The following DCDC1 variants were observed in gnomAD, a reference collection of about 807,000 sequenced individuals.
DCDC1 encodes the protein doublecortin domain-containing protein 1.
Under a neutral mutation model 178.3 loss-of-function variants are expected in DCDC1, and 200 were observed. The observed-to-expected ratio is 1.12, with a 90% CI of 1.00 to 1.26. The LOEUF is 1.26. Ranked by LOEUF, DCDC1 falls within the 50% of genes most tolerant of loss-of-function variation. The probability of loss-of-function intolerance (pLI) is 0.00; values close to 1 mark genes in which losing one functional copy is unlikely to be tolerated. For synonymous variants in DCDC1, 690 were observed against 604.8 expected (o/e 1.14, Z -2.07); for missense variants, 1,983 against 1,749.2 (o/e 1.13, Z -2.38).
intron 18 of DCDC1, among the ~76,000 whole-genome samples, 163 bp from the exon 19 acceptor site, chr11:31,065,316 G>A (rs1260807034): frequency 6.6e-6 from 1 of 152,078 alleles, no homozygotes; most frequent in Non-Finnish European, 1.5e-5. Flanking sequence ...CAAGCCAAAT[G>A]ACTTTAATAT....
chr11:31,223,972 C>T (rs1974598614), intron 9 of DCDC1, among the ~76,000 whole-genome samples: 1 of 151,902 alleles, frequency 6.6e-6, no homozygotes, highest in African/African-American at 2.4e-5. Context: ...GTCATTGAAT[C>T]ATGGGGGCCG....
intron 20 of DCDC1, among the ~76,000 whole-genome samples, chr11:31,061,855 T>C (rs960093351): frequency 1.3e-5 from 2 of 152,276 alleles, no homozygotes; most frequent in Middle Eastern, 3.4e-3. Context: ...CAACCTCAGA[T>C]AGGTCTTCTG....
chr11:30,873,261 A>G (rs907077874), intron 38 of DCDC1, among the ~76,000 whole-genome samples: 1 of 150,548 alleles, frequency 6.6e-6, no homozygotes, highest in African/African-American at 2.4e-5. Context: ...AAATGACTAC[A>G]CTAAACAAGA....
At chr11:31,187,560 T>C (rs939684230) in intron 9 of DCDC1, among the ~76,000 whole-genome samples, 3 of 152,140 alleles carry the variant, frequency 2.0e-5, no homozygotes, top group African/African-American at 7.2e-5. Flanking sequence ...AGGTTAAAAA[T>C]ATAGACTGAC....
chr11:31,305,933 G>A, intron 5 of DCDC1, 156 bp from the exon 6 acceptor site: 1 of 896,568 alleles, frequency 1.1e-6, no homozygotes, highest in Non-Finnish European at 1.6e-6. Context: ...GAAATAAAAG[G>A]TAAGTCACAG....
intron 20 of DCDC1, among the ~76,000 whole-genome samples, chr11:31,005,329 A>C (rs1951778493): frequency 6.6e-6 from 1 of 152,278 alleles, no homozygotes; most frequent in Middle Eastern, 3.4e-3. Flanking sequence ...ATCCCATTGC[A>C]GCCCAGATCT....
At chr11:31,078,009 G>A (rs1956964755) in intron 17 of DCDC1, 84 bp from the exon 18 acceptor site, 2 of 717,514 alleles carry the variant, frequency 2.8e-6, no homozygotes, top group African/African-American at 1.7e-5. Context: ...TCATTTTCCA[G>A]ATAGCCTGGC....
intron 20 of DCDC1, among the ~76,000 whole-genome samples, chr11:31,028,057 T>C (rs1953357261): frequency 6.6e-6 from 1 of 151,768 alleles, no homozygotes; most frequent in Non-Finnish European, 1.5e-5. Flanking sequence ...ATAATTAGTA[T>C]AAAAAAACAA....
chr11:31,043,836 G>A (rs1361638717), intron 20 of DCDC1, among the ~76,000 whole-genome samples: 2 of 102,430 alleles, frequency 2.0e-5, no homozygotes, highest in Admixed American at 9.5e-5. Context: ...TTTTTTTTTT[G>A]TACCTTATAA....
At chr11:31,193,439 T>G (rs1477908460) in intron 9 of DCDC1, among the ~76,000 whole-genome samples, 2 of 151,898 alleles carry the variant, frequency 1.3e-5, no homozygotes, top group Non-Finnish European at 2.9e-5. Flanking sequence ...ATATCTTGGG[T>G]TTTCAGATTA....
chr11:31,233,501 G>C (rs1410143816), intron 9 of DCDC1, among the ~76,000 whole-genome samples: 1 of 152,046 alleles, frequency 6.6e-6, no homozygotes, highest in Admixed American at 6.6e-5. Flanking sequence ...TTACTTTTTG[G>C]GGGTGGGGAG....
chr11:31,246,525 G>A (rs1284159972), intron 8 of DCDC1, among the ~76,000 whole-genome samples: 1 of 151,646 alleles, frequency 6.6e-6, no homozygotes, highest in Non-Finnish European at 1.5e-5. Flanking sequence ...AACAAGGTAA[G>A]TTTTTAAAAG....
intron 18 of DCDC1, among the ~76,000 whole-genome samples, chr11:31,066,355 C>T (rs927746169): frequency 6.6e-6 from 1 of 152,148 alleles, no homozygotes; most frequent in African/African-American, 2.4e-5. Context: ...GAAGCAGACA[C>T]AGGGAAGTTA....
At chr11:31,329,375 G>C (rs1949835085) in intron 2 of DCDC1, among the ~76,000 whole-genome samples, 1 of 146,172 alleles carries the variant, frequency 6.8e-6, no homozygotes, top group Non-Finnish European at 1.5e-5. Context: ...GCTTAAGCTA[G>C]TTGGAGTCGG....
intron 1 of DCDC1, among the ~76,000 whole-genome samples, chr11:31,359,376 T>C (rs948325626): frequency 3.9e-4 from 51 of 132,456 alleles, no homozygotes; most frequent in African/African-American, 2.3e-4. Flanking sequence ...TAGGTGGGAA[T>C]TGAACAATGA....
intron 35 of DCDC1, 100 bp downstream of exon 35, chr11:30,894,148 G>A (rs1327408371): frequency 1.4e-6 from 2 of 1,452,622 alleles, no homozygotes; most frequent in Non-Finnish European, 1.8e-6. Flanking sequence ...ATCAGATGCT[G>A]AGAATATATT....
chr11:30,895,046 A>G (rs1187846753), intron 34 of DCDC1, among the ~76,000 whole-genome samples: 1 of 152,210 alleles, frequency 6.6e-6, no homozygotes, highest in Non-Finnish European at 1.5e-5. Flanking sequence ...AAATAGTTAT[A>G]AAAGAGGTTT....
chr11:30,878,813 CT>C, intron 37 of DCDC1, 102 bp from the exon 38 acceptor site: 1 of 1,116,152 alleles, frequency 9.0e-7, no homozygotes, highest in Non-Finnish European at 1.2e-6. Context: ...CTCACAAATC[CT>C]TGGCTCCCAC....
At chr11:31,322,849 A>G (rs1191165094) in intron 3 of DCDC1, among the ~76,000 whole-genome samples, 1 of 152,210 alleles carries the variant, frequency 6.6e-6, no homozygotes, top group Non-Finnish European at 1.5e-5. Flanking sequence ...TTTCAGTTGA[A>G]TTTTGTTACT....
Sources: gnomAD v4.1 joint callset for allele counts (sites outside exome capture counted in the v4.1 genomes callset) on GRCh38, gnomAD v4.1.1 for gene constraint, MANE v1.5 for transcripts, NCBI Gene and HGNC (gene_info 2026-07-23, HGNC 2026-07-21) for gene names.